Variants in CNTN3 observed in about 807,000 individuals in gnomAD.
CNTN3 encodes the protein contactin 3, also known as contactin-3.
Under a neutral mutation model 119.1 loss-of-function variants are expected in CNTN3, and 60 were observed. That is an observed-to-expected ratio of 0.50 (90% CI 0.41 to 0.62). CNTN3 has a LOEUF of 0.62. Ranked by LOEUF, CNTN3 falls within the 20% of genes least tolerant of loss-of-function variation. The pLI is 0.00. For missense variants in CNTN3, 1,101 were observed against 1,242.4 expected (o/e 0.89, Z 1.71); for synonymous variants, 450 against 438.7 (o/e 1.03, Z -0.32).
intron 13 of CNTN3, among the ~76,000 whole-genome samples, chr3:74,326,565 T>A (rs2106687829): frequency 6.6e-6 from 1 of 152,246 alleles, no homozygotes; most frequent in Admixed American, 6.5e-5. Flanking sequence ...GTAAGAAAGC[T>A]ATGAATATCC....
chr3:74,464,292 A>G (rs1486356533), intron 4 of CNTN3, among the ~76,000 whole-genome samples: 1 of 152,162 alleles, frequency 6.6e-6, no homozygotes, highest in Non-Finnish European at 1.5e-5. Context: ...TAAAATCTAC[A>G]TTTATTAAGC....
intron 4 of CNTN3, among the ~76,000 whole-genome samples, chr3:74,475,003 A>G (rs952177620): frequency 3.3e-5 from 5 of 152,296 alleles, no homozygotes; most frequent in Admixed American, 6.5e-5. Context: ...AGATGCCAGC[A>G]TCATACTTCC....
chr3:74,419,420 T>C (rs1299817925), intron 5 of CNTN3, among the ~76,000 whole-genome samples: 2 of 152,092 alleles, frequency 1.3e-5, no homozygotes, highest in African/African-American at 2.4e-5. Flanking sequence ...AAGATGCTGA[T>C]ACAGAAGTTG....
intron 5 of CNTN3, among the ~76,000 whole-genome samples, chr3:74,386,400 C>A (rs569354327): frequency 6.6e-6 from 1 of 152,238 alleles, no homozygotes; most frequent in South Asian, 2.1e-4. Flanking sequence ...AGGTGGATGG[C>A]TTGATCCCAG....
chr3:74,453,201 A>G (rs1702194865), intron 4 of CNTN3, among the ~76,000 whole-genome samples: 1 of 151,744 alleles, frequency 6.6e-6, no homozygotes, highest in Admixed American at 6.6e-5. Flanking sequence ...AGCTCCTGTT[A>G]TTGGTCTATT....
At chr3:74,485,675 C>A (rs1054048325) in intron 4 of CNTN3, among the ~76,000 whole-genome samples, 18 of 150,448 alleles carry the variant, frequency 1.2e-4, no homozygotes, top group Non-Finnish European at 7.4e-5. Context: ...ATCTCAGAAC[C>A]AAGGTAATCA....
At chr3:74,479,705 T>C (rs1702727878) in intron 4 of CNTN3, among the ~76,000 whole-genome samples, 1 of 151,588 alleles carries the variant, frequency 6.6e-6, no homozygotes, top group Non-Finnish European at 1.5e-5. Context: ...CAGCAGAGAT[T>C]TGTAGGGGAT....
chr3:74,603,530 C>T (rs1178955655), intron 1 of CNTN3, among the ~76,000 whole-genome samples: 3 of 152,088 alleles, frequency 2.0e-5, no homozygotes, highest in African/African-American at 7.2e-5. Context: ...TTGCTAGAAG[C>T]CACTGAGATT....
At chr3:74,398,571 G>T (rs943376652) in intron 5 of CNTN3, among the ~76,000 whole-genome samples, 2 of 151,264 alleles carry the variant, frequency 1.3e-5, no homozygotes, top group African/African-American at 2.4e-5. Flanking sequence ...GGTGTAGATG[G>T]GTCCCAGACC....
intron 4 of CNTN3, among the ~76,000 whole-genome samples, chr3:74,442,117 T>C (rs1328585294): frequency 6.6e-6 from 1 of 150,658 alleles, no homozygotes; most frequent in African/African-American, 2.5e-5. Context: ...CAAGGTAACC[T>C]TGTAAACAAA....
intron 11 of CNTN3, among the ~76,000 whole-genome samples, chr3:74,345,075 T>C (rs919238440): frequency 2.6e-5 from 4 of 152,218 alleles, no homozygotes; most frequent in African/African-American, 9.7e-5. Flanking sequence ...ACATTTTCTT[T>C]TATGATGACT....
At chr3:74,271,070 A>G (rs1701765753) in intron 20 of CNTN3, among the ~76,000 whole-genome samples, 1 of 152,036 alleles carries the variant, frequency 6.6e-6, no homozygotes, top group Non-Finnish European at 1.5e-5. Context: ...TGATTTTCAG[A>G]CTCCTCAACA....
intron 4 of CNTN3, 37 bp from the exon 5 acceptor site, chr3:74,424,977 G>A: frequency 7.1e-7 from 1 of 1,399,730 alleles, no homozygotes. Context: ...ATTTTAGAAA[G>A]ACCAATTAAA....
chr3:74,344,868 TACACACAC>T (rs59061088), intron 11 of CNTN3, among the ~76,000 whole-genome samples: 97 of 148,842 alleles, frequency 6.5e-4, no homozygotes, highest in African/African-American at 2.2e-3. Flanking sequence ...TGTATACGTA[TACACACAC>T]ACACACACAC....
intron 11 of CNTN3, among the ~76,000 whole-genome samples, chr3:74,339,281 G>A (rs938562002): frequency 6.6e-6 from 1 of 152,018 alleles, no homozygotes; most frequent in Admixed American, 6.6e-5. Flanking sequence ...TATATCCTAA[G>A]CCTGAACCAT....
rs1702810160 is a variant in CNTN3 at position 74,315,573 on chromosome 3, A to C, written c.1669-12766T>G. On this transcript the variant is annotated intron_variant, in intron 13 of 22. Transcript: ENST00000263665. ...ATACCTTAAAAATGTAAATGTATAA[A>C]AAATTCGTACAATGTCTCCTCTCAG... Among the ~76,000 whole-genome samples, 3 of 152,216 alleles carry C rather than the reference A, an allele frequency of 2.0e-5. No individual in the cohort carries two copies. The South Asian group carries it at 6.2e-4, about 32-fold the overall frequency.
intron 4 of CNTN3, among the ~76,000 whole-genome samples, chr3:74,431,825 G>C (rs551912400): frequency 1.2e-4 from 18 of 152,276 alleles, no homozygotes; most frequent in African/African-American, 4.3e-4. Context: ...GAAGAGCTCT[G>C]CCTCAAAATG....
chr3:74,359,357 A>G (rs548134450), intron 11 of CNTN3, among the ~76,000 whole-genome samples: 1 of 152,226 alleles, frequency 6.6e-6, no homozygotes, highest in Non-Finnish European at 1.5e-5. Context: ...TGCAGCGACT[A>G]TGTAAGGAAG....
At chr3:74,496,553 G>A (rs1247935473) in intron 3 of CNTN3, among the ~76,000 whole-genome samples, 4 of 151,976 alleles carry the variant, frequency 2.6e-5, no homozygotes, top group African/African-American at 9.7e-5. Context: ...ACTGAAACAA[G>A]TGGCCCCTTT....
Sources: gnomAD v4.1 joint callset for allele counts (sites outside exome capture counted in the v4.1 genomes callset) on GRCh38, gnomAD v4.1.1 for gene constraint, MANE v1.5 for transcripts, NCBI Gene and HGNC (gene_info 2026-07-23, HGNC 2026-07-21) for gene names.